Variants in TNR observed in about 807,000 individuals in gnomAD.
TNR encodes tenascin-R.
In TNR, 45 loss-of-function variants were observed where a neutral mutation model predicts 150.4. The observed-to-expected ratio is 0.30, with a 90% CI of 0.24 to 0.38. The LOEUF is 0.38. Ranked by LOEUF, TNR falls within the 10% of genes least tolerant of loss-of-function variation. The pLI is 1.00. For synonymous variants in TNR, 687 were observed against 678.4 expected, an observed-to-expected ratio of 1.01 and a Z score of -0.20; for missense variants, 1,544 against 1,759.1, an observed-to-expected ratio of 0.88 and a Z score of 2.19.
intron 1 of TNR, among the ~76,000 whole-genome samples, chr1:175,576,380 G>T (rs995027358): frequency 1.3e-5 from 2 of 152,098 alleles, no homozygotes; most frequent in Admixed American, 1.3e-4. Flanking sequence ...ATTTCCGGGC[G>T]CTGGTGGGTG....
chr1:175,673,071 A>C (rs1476546624), intron 1 of TNR, among the ~76,000 whole-genome samples: 1 of 152,200 alleles, frequency 6.6e-6, no homozygotes, highest in African/African-American at 2.4e-5. Context: ...AAGCAGGTGC[A>C]TCTGCATCCT....
At chr1:175,532,273 C>T (rs1247203723) in intron 1 of TNR, among the ~76,000 whole-genome samples, 3 of 152,202 alleles carry the variant, frequency 2.0e-5, no homozygotes, top group African/African-American at 7.2e-5. Context: ...ATTCTCACAG[C>T]AGTTGGTTGC....
chr1:175,327,299 T>A (rs968266093), intron 21 of TNR, among the ~76,000 whole-genome samples: 3 of 152,212 alleles, frequency 2.0e-5, no homozygotes, highest in African/African-American at 7.2e-5. Context: ...AGCCACCTCA[T>A]GTGTTTAACA....
intron 20 of TNR, among the ~76,000 whole-genome samples, chr1:175,331,544 T>C (rs1649936110): frequency 6.6e-6 from 1 of 152,192 alleles, no homozygotes; most frequent in Non-Finnish European, 1.5e-5. Flanking sequence ...ATTACAGGCG[T>C]GAGCCACTGT....
At chr1:175,486,879 G>A (rs1658040462) in intron 2 of TNR, among the ~76,000 whole-genome samples, 1 of 152,216 alleles carries the variant, frequency 6.6e-6, no homozygotes, top group South Asian at 2.1e-4. Context: ...GACCAGTGAT[G>A]ATGAACTTTT....
chr1:175,683,438 A>T (rs1360556945), intron 1 of TNR, among the ~76,000 whole-genome samples: 1 of 152,206 alleles, frequency 6.6e-6, no homozygotes, highest in East Asian at 1.9e-4. Context: ...AATTTTTCTC[A>T]AGGAGTGATT....
chr1:175,590,450 T>G (rs879382586), intron 1 of TNR, among the ~76,000 whole-genome samples: 1 of 152,222 alleles, frequency 6.6e-6, no homozygotes, highest in African/African-American at 2.4e-5. Context: ...TCACCTAACT[T>G]TAGACCTGGT....
intron 1 of TNR, among the ~76,000 whole-genome samples, chr1:175,577,786 G>A (rs985544540): frequency 6.6e-6 from 1 of 152,162 alleles, no homozygotes; most frequent in Non-Finnish European, 1.5e-5. Context: ...AGAGCAGCAC[G>A]AGGAGGGAAA....
intron 20 of TNR, among the ~76,000 whole-genome samples, chr1:175,331,510 G>A (rs866947597): frequency 1.3e-5 from 2 of 152,024 alleles, no homozygotes; most frequent in Non-Finnish European, 2.9e-5. Flanking sequence ...TGATCTGCCC[G>A]CCTCAGCCTC....
At chr1:175,616,600 C>T (rs564786476) in intron 1 of TNR, among the ~76,000 whole-genome samples, 3 of 152,262 alleles carry the variant, frequency 2.0e-5, no homozygotes, top group East Asian at 1.9e-4. Flanking sequence ...GAGGGGATCA[C>T]GGGGCTCAGC....
At chr1:175,331,167 TTCCTTCCTTCCTTCC>T (rs1649890375) in intron 20 of TNR, among the ~76,000 whole-genome samples, 2 of 38,936 alleles carry the variant, frequency 5.1e-5, no homozygotes, top group African/African-American at 1.7e-4. Context: ...TTTTCTTTCC[TTCCTTCCTTCCTTCC>T]TTCCTTCCTT....
chr1:175,517,951 G>A (rs1355186841), intron 2 of TNR, among the ~76,000 whole-genome samples: 1 of 152,142 alleles, frequency 6.6e-6, no homozygotes, highest in Non-Finnish European at 1.5e-5. Flanking sequence ...TTCCTTCCCA[G>A]AGCCCAGTGT....
chr1:175,595,223 G>C (rs749949608), intron 1 of TNR, among the ~76,000 whole-genome samples: 1 of 152,204 alleles, frequency 6.6e-6, no homozygotes, highest in Non-Finnish European at 1.5e-5. Flanking sequence ...GACATTTGGT[G>C]ATTGCCAGCT....
intron 2 of TNR, among the ~76,000 whole-genome samples, chr1:175,417,625 A>G (rs1340050695): frequency 6.6e-6 from 1 of 152,200 alleles, no homozygotes; most frequent in Non-Finnish European, 1.5e-5. Flanking sequence ...CTGTAAATGT[A>G]GGAACTGATT....
chr1:175,356,298 T>C (rs1651323525), intron 16 of TNR, 21 bp downstream of exon 16: 2 of 1,613,572 alleles, frequency 1.2e-6, no homozygotes, highest in Non-Finnish European at 8.5e-7. Context: ...GATACGGGTA[T>C]GTAGGTGACC....
At chr1:175,715,830 A>G (rs1409353133) in intron 1 of TNR, among the ~76,000 whole-genome samples, 1 of 152,188 alleles carries the variant, frequency 6.6e-6, no homozygotes, top group South Asian at 2.1e-4. Context: ...CTGAAGGCCA[A>G]GAGTGGTGGC....
chr1:175,331,675 G>C (rs922437143), intron 20 of TNR, among the ~76,000 whole-genome samples: 2 of 152,162 alleles, frequency 1.3e-5, no homozygotes, highest in African/African-American at 2.4e-5. Context: ...TGTGTTGCTG[G>C]TAATTTCTCT....
chr1:175,578,499 G>C (rs1278036170), intron 1 of TNR, among the ~76,000 whole-genome samples: 1 of 152,128 alleles, frequency 6.6e-6, no homozygotes, highest in African/African-American at 2.4e-5. Context: ...TCAGTGGATA[G>C]AATATGAAAA....
intron 2 of TNR, among the ~76,000 whole-genome samples, chr1:175,479,794 G>A (rs1011290640): frequency 3.3e-5 from 5 of 151,940 alleles, no homozygotes; most frequent in Admixed American, 1.3e-4. Context: ...AGGTTCCTTC[G>A]AAAAACCTCC....
Sources: allele counts gnomAD v4.1 joint callset (sites outside exome capture counted in the v4.1 genomes callset), GRCh38; gene constraint gnomAD v4.1.1; transcripts MANE v1.5; gene names NCBI Gene and HGNC (gene_info 2026-07-23, HGNC 2026-07-21).